TMEM178A: variants seen among roughly 807,000 people sequenced by gnomAD.
TMEM178A encodes the protein transmembrane protein 178.
A neutral mutation model predicts 29.1 loss-of-function variants in TMEM178A; 12 were observed. That is an observed-to-expected ratio of 0.41 (90% confidence interval 0.26 to 0.67). TMEM178A has a LOEUF of 0.67. Ranked by LOEUF, TMEM178A falls within the 30% of genes least tolerant of loss-of-function variation. TMEM178A has a pLI of 0.29. For missense variants in TMEM178A, 366 were observed against 419.1 expected, an observed-to-expected ratio of 0.87 and a Z score of 1.11; for synonymous variants, 210 against 187.2, an observed-to-expected ratio of 1.12 and a Z score of -0.99.
In TMEM178A at chr2:39,702,806, C is replaced by T. The variant is rs114115281; in HGVS notation, c.401-1275C>T. 3.7e-3 allele frequency among the ~76,000 whole-genome samples: 569 copies of T among 152,130 alleles called. 4 individuals carry two copies. The highest frequency in any genetic ancestry group is 0.013 in the African/African-American group (529 of 41,534). On this transcript the variant is annotated intron_variant, in intron 1 of 3. Transcript: ENST00000281961. ...TCTCAAAGGGAGATTCAGAGACTAC[C>T]TGCATCAGAATTACTTGGGATGCTT...
intron 1 of TMEM178A, among the ~76,000 whole-genome samples, chr2:39,703,714 G>C (rs1184126610): frequency 6.6e-6 from 1 of 152,164 alleles, no homozygotes; most frequent in African/African-American, 2.4e-5. Flanking sequence ...CTACCCTTGA[G>C]AGTTTGAGAC....
chr2:39,733,219 T>A, the TMEM178A span, among the ~76,000 whole-genome samples: 22 of 152,168 alleles, frequency 1.4e-4, no homozygotes, highest in African/African-American at 5.1e-4. Context: ...TGCTCCCACT[T>A]ATAATCTGTT....
intron 1 of TMEM178A, among the ~76,000 whole-genome samples, chr2:39,673,920 G>C (rs1670505990): frequency 6.6e-6 from 1 of 152,068 alleles, no homozygotes. Flanking sequence ...AACAGGGGTG[G>C]TCCCATGGGA....
chr2:39,725,532 C>T, the TMEM178A span, among the ~76,000 whole-genome samples: 2 of 152,008 alleles, frequency 1.3e-5, no homozygotes, highest in African/African-American at 2.4e-5. Flanking sequence ...TTGGTCAATG[C>T]GGGGGAAACT....
At chr2:39,691,553 C>T (rs1671318656) in intron 1 of TMEM178A, among the ~76,000 whole-genome samples, 1 of 152,060 alleles carries the variant, frequency 6.6e-6, no homozygotes, top group African/African-American at 2.4e-5. Flanking sequence ...TAAATTGGTA[C>T]AACCATTATA....
At chr2:39,677,514 A>G (rs1371363671) in intron 1 of TMEM178A, among the ~76,000 whole-genome samples, 1 of 152,216 alleles carries the variant, frequency 6.6e-6, no homozygotes, top group Non-Finnish European at 1.5e-5. Context: ...TCTAATTTGA[A>G]GAAAAGCCAC....
intron 1 of TMEM178A, among the ~76,000 whole-genome samples, chr2:39,684,827 C>T (rs1232854466): frequency 6.6e-6 from 1 of 152,072 alleles, no homozygotes; most frequent in Non-Finnish European, 1.5e-5. Context: ...CAACCCTGTC[C>T]CCTACACCTT....
intron 3 of TMEM178A, among the ~76,000 whole-genome samples, chr2:39,708,828 T>C (rs1178956181): frequency 1.3e-5 from 2 of 152,154 alleles, no homozygotes; most frequent in Non-Finnish European, 2.9e-5. Context: ...GCTGAGTTGA[T>C]GGCTAACACT....
chr2:39,690,254 C>T (rs1188063304), intron 1 of TMEM178A, among the ~76,000 whole-genome samples: 1 of 152,234 alleles, frequency 6.6e-6, no homozygotes, highest in Non-Finnish European at 1.5e-5. Flanking sequence ...CACCTGCAGT[C>T]ACGTGCTCCC....
intron 2 of TMEM178A, 81 bp downstream of exon 2, chr2:39,704,275 A>C: frequency 8.4e-7 from 1 of 1,188,512 alleles, no homozygotes; most frequent in Non-Finnish European, 1.2e-6. Context: ...ACATCTGGAC[A>C]GAAGGATGTT....
At position 39,717,056 on chromosome 2, in the gene TMEM178A, G is replaced by A. The variant is rs748048353; in HGVS notation, c.699G>A (p.Ser233=). The part of the protein sequence containing the change: ...ISLCTYAASI[S]YDLNRLPKLI... ...TCTGTACTTATGCCGCCAGTATCTC[G>A]TATGATTTGAACCGGCTCCCAAAGC... Residue 233 remains serine, a synonymous_variant, in exon 4 of 4, where the codon TCG becomes TCA. Coordinates refer to ENST00000281961, the MANE Select transcript of TMEM178A (RefSeq NM_152390.3). The A allele has an allele frequency of 2.0e-5, 33 of 1,610,302 alleles. No individual in the cohort carries two copies. The highest frequency in any genetic ancestry group is 1.8e-4 in the East Asian group (8 of 44,846).
chr2:39,665,939 G>T lies in TMEM178A; in HGVS notation c.-36G>T. On this transcript the variant is annotated 5_prime_UTR_variant, in exon 1 of 4. Coordinates refer to ENST00000281961, the MANE Select transcript of TMEM178A (RefSeq NM_152390.3). Reference sequence around the variant, plus strand: ...AGTGCATTGTGTCTGGCGGCGGCGCGCGAGCCCACCGGCGGCTGCGGCGGG... The same window carrying T: ...AGTGCATTGTGTCTGGCGGCGGCGCTCGAGCCCACCGGCGGCTGCGGCGGG... 2 of 1,349,858 alleles carry T rather than the reference G, an allele frequency of 1.5e-6. No individual in the cohort carries two copies. The highest frequency in any genetic ancestry group is 1.5e-5 in the African/African-American group (1 of 65,356). The allele number at this position is 1,349,858 out of a possible 1,614,324, so 83.6% of individuals were successfully genotyped here. A position where few individuals can be genotyped will look rare whatever the true frequency, so the allele number is the denominator to read the frequency against.
Position 39,702,511 on chromosome 2 carries a change from A to G in TMEM178A, c.401-1570A>G, listed in dbSNP as rs560846211. ...GAATACAAATGTAAGCTACTACTAC[A>G]TTTGTGGTCCTTTATCTGTCATTGT... is the stretch of plus-strand genomic sequence containing the variant. On this transcript the variant is annotated intron_variant, in intron 1 of 3. Transcript: ENST00000281961. Among the ~76,000 whole-genome samples the G allele has an allele frequency of 9.9e-4, 151 of 152,122 alleles. 1 individual carries two copies. The highest frequency in any genetic ancestry group is 3.4e-3 in the African/African-American group (141 of 41,496).
chr2:39,707,208 G>C, intron 3 of TMEM178A, 22 bp downstream of exon 3: 1 of 1,597,970 alleles, frequency 6.3e-7, no homozygotes, highest in Middle Eastern at 1.7e-4. Flanking sequence ...GCCTCAGGCC[G>C]TCTGTCCCAG....
chr2:39,673,577 G>A (rs1263242462), intron 1 of TMEM178A, among the ~76,000 whole-genome samples: 2 of 152,194 alleles, frequency 1.3e-5, no homozygotes, highest in African/African-American at 2.4e-5. Context: ...CTAGGGAAGA[G>A]ACTCCAGAAA....
the TMEM178A span, among the ~76,000 whole-genome samples, chr2:39,726,647 A>T: frequency 2.6e-5 from 4 of 152,212 alleles, no homozygotes; most frequent in African/African-American, 9.6e-5. Flanking sequence ...AGAGGCCAGT[A>T]CTGGGCGTTT....
chr2:39,725,328 C>A, the TMEM178A span, among the ~76,000 whole-genome samples: 1 of 152,120 alleles, frequency 6.6e-6, no homozygotes, highest in Non-Finnish European at 1.5e-5. Flanking sequence ...AAGCAATTAG[C>A]CTGTGGGTCT....
At chr2:39,695,852 G>A (rs1306545025) in intron 1 of TMEM178A, among the ~76,000 whole-genome samples, 1 of 152,046 alleles carries the variant, frequency 6.6e-6, no homozygotes, top group Non-Finnish European at 1.5e-5. Context: ...TGACACAATG[G>A]CAAAGCATTA....
chr2:39,687,978 A>G (rs1221816495), intron 1 of TMEM178A, among the ~76,000 whole-genome samples: 1 of 152,206 alleles, frequency 6.6e-6, no homozygotes, highest in African/African-American at 2.4e-5. Flanking sequence ...CTCAGCCTCA[A>G]TTTCCTTCTC....
Sources: gnomAD v4.1 joint callset for allele counts (sites outside exome capture counted in the v4.1 genomes callset) on GRCh38, gnomAD v4.1.1 for gene constraint, MANE v1.5 for transcripts, NCBI Gene and HGNC (gene_info 2026-07-23, HGNC 2026-07-21) for gene names.